The following WHRN variants were observed in gnomAD, a reference collection of about 807,000 sequenced individuals.
The protein encoded by WHRN is whirlin, also known as CASK-interacting protein CIP98.
In WHRN, 41 loss-of-function variants were observed where a neutral mutation model predicts 68.3. The observed-to-expected ratio is 0.60, with a 90% CI of 0.47 to 0.78. The LOEUF (loss-of-function observed/expected upper bound fraction) is 0.78. Ranked by LOEUF, WHRN falls within the 30% of genes least tolerant of loss-of-function variation. WHRN has a pLI of 0.00. For missense variants in WHRN, 1,243 were observed against 1,244.7 expected, an observed-to-expected ratio of 1.00 and a Z score of 0.02; for synonymous variants, 560 against 561.3, an observed-to-expected ratio of 1.00 and a Z score of 0.03.
intron 1 of WHRN, among the ~76,000 whole-genome samples, chr9:114,495,299 C>T (rs981615107): frequency 1.3e-5 from 2 of 152,116 alleles, no homozygotes; most frequent in African/African-American, 2.4e-5. Context: ...GACATCAGAC[C>T]GGTGGGCAGA....
intron 2 of WHRN, among the ~76,000 whole-genome samples, chr9:114,472,654 G>T (rs547454124): frequency 6.6e-6 from 1 of 152,224 alleles, no homozygotes; most frequent in East Asian, 1.9e-4. Flanking sequence ...CTTGACAGTG[G>T]CTAAGGTGTT....
intron 2 of WHRN, among the ~76,000 whole-genome samples, chr9:114,475,658 G>A (rs919443460): frequency 6.6e-6 from 1 of 152,154 alleles, no homozygotes; most frequent in Admixed American, 6.5e-5. Context: ...CCAAGAGTCT[G>A]GCCGTGGCTT....
At chr9:114,415,421 G>A (rs1229998173) in intron 7 of WHRN, among the ~76,000 whole-genome samples, 2 of 152,020 alleles carry the variant, frequency 1.3e-5, no homozygotes, top group African/African-American at 4.8e-5. Context: ...AGCCCTACTG[G>A]TCTCCTTCCA....
intron 1 of WHRN, among the ~76,000 whole-genome samples, chr9:114,489,467 C>T (rs950216279): frequency 5.7e-5 from 8 of 141,580 alleles, no homozygotes; most frequent in Admixed American, 1.4e-4. Flanking sequence ...CACACATACA[C>T]ACACACACAC....
At position 114,402,941 on chromosome 9, in the gene WHRN, A is replaced by C. The variant is rs1349668685; in HGVS notation, c.2542-5T>G. ...GTTGTGAGCTGAGCCGCCTCTCTGC[A>C]GGGAGGAGACACAGGGCATGGGGTG... is the stretch of plus-strand genomic sequence containing the variant. On this transcript the variant is annotated splice_polypyrimidine_tract_variant and splice_region_variant and intron_variant, in intron 11 of 11. Transcript: ENST00000362057. The C allele has an allele frequency of 1.9e-6, 3 of 1,608,070 alleles. No individual in the cohort carries two copies. The highest frequency in any genetic ancestry group is 2.5e-6 in the Non-Finnish European group (3 of 1,177,516).
chr9:114,460,159 G>A (rs1840127431), intron 3 of WHRN, among the ~76,000 whole-genome samples: 1 of 152,212 alleles, frequency 6.6e-6, no homozygotes, highest in South Asian at 2.1e-4. Context: ...AAGACTCAAT[G>A]TCCTTTATTT....
rs189332436 is a variant in WHRN at position 114,494,107 on chromosome 9, G to A, written c.618+10077C>T. Reference sequence around the variant, plus strand: ...ATTCTCAGAGTCCTCTCCCGGGGGGGTATGGTGAAGTGTCAGTGGGGGATT... The same window carrying A: ...ATTCTCAGAGTCCTCTCCCGGGGGGATATGGTGAAGTGTCAGTGGGGGATT... On this transcript the variant is annotated intron_variant, in intron 1 of 11. Transcript: ENST00000362057. Among the ~76,000 whole-genome samples, 37 of 152,360 alleles carry A rather than the reference G, an allele frequency of 2.4e-4. 1 individual carries two copies. Among genetic ancestry groups the A allele is most frequent in the African/African-American group, 8.2e-4 (34 of 41,572 alleles).
chr9:114,416,560 T>A (rs923032368), intron 7 of WHRN, among the ~76,000 whole-genome samples: 1 of 152,166 alleles, frequency 6.6e-6, no homozygotes, highest in Non-Finnish European at 1.5e-5. Context: ...CCTCCAGCCA[T>A]GTAAGATGTG....
chr9:114,504,937 G>A lies in WHRN; in HGVS notation c.-136C>T, dbSNP rs951540263. ...TGGAGCCTGGGTTTGGGGAGCACGG[G>A]TACAGTGGCTGGATCCTAGGGGGTC... On this transcript the variant is annotated 5_prime_UTR_variant, in exon 1 of 12. Transcript: ENST00000362057. 7.2e-6 allele frequency: 9 copies of A among 1,247,326 alleles called. No homozygotes were observed. Among genetic ancestry groups the A allele is most frequent in the African/African-American group, 4.8e-5 (3 of 62,946 alleles). 77.3% of individuals were successfully genotyped at this position (1,247,326 alleles called of 1,614,324 possible).
intron 10 of WHRN, 42 bp downstream of exon 10, chr9:114,403,854 G>A (rs914515606): frequency 1.4e-5 from 22 of 1,605,198 alleles, no homozygotes; most frequent in Admixed American, 6.7e-5. Flanking sequence ...CCTGGGGCCC[G>A]TGTTCCTCTC....
At chr9:114,489,510 ACGCGTG>A (rs1327665897) in intron 1 of WHRN, among the ~76,000 whole-genome samples, 24 of 29,782 alleles carry the variant, frequency 8.1e-4, no homozygotes, top group Non-Finnish European at 1.7e-3. Context: ...ACACGCACAC[ACGCGTG>A]CACACACACA....
chr9:114,403,785 A>G (rs890222911), intron 10 of WHRN, 111 bp downstream of exon 10: 2 of 1,348,592 alleles, frequency 1.5e-6, no homozygotes, highest in African/African-American at 2.9e-5. Context: ...GGAGCTCACT[A>G]CCTCCCTTTG....
chr9:114,482,075 C>T (rs111553621), intron 1 of WHRN, among the ~76,000 whole-genome samples: 2,055 of 152,074 alleles, frequency 0.014, 23 homozygotes, highest in Admixed American at 0.033. Flanking sequence ...ATTTGTGAAA[C>T]TTGTGCATAG....
chr9:114,434,595 G>C (rs1837691993), intron 3 of WHRN, among the ~76,000 whole-genome samples: 1 of 152,010 alleles, frequency 6.6e-6, no homozygotes, highest in Non-Finnish European at 1.5e-5. Flanking sequence ...CAAACCCACT[G>C]GATCTATCAT....
intron 1 of WHRN, among the ~76,000 whole-genome samples, chr9:114,483,063 TCAGA>T (rs980207286): frequency 1.1e-4 from 16 of 152,192 alleles, no homozygotes; most frequent in African/African-American, 3.6e-4. Context: ...GATTAGAAAC[TCAGA>T]CAGCCACTCA....
At chr9:114,480,614 G>A (rs1028622870) in intron 1 of WHRN, among the ~76,000 whole-genome samples, 1 of 152,126 alleles carries the variant, frequency 6.6e-6, no homozygotes, top group African/African-American at 2.4e-5. Flanking sequence ...CCAGAACTGT[G>A]AGAAATTAAA....
At chr9:114,488,678 G>A (rs951152092) in intron 1 of WHRN, among the ~76,000 whole-genome samples, 3 of 152,176 alleles carry the variant, frequency 2.0e-5, no homozygotes, top group African/African-American at 7.2e-5. Flanking sequence ...ATTTAGCCCT[G>A]CTTTGAGGGA....
rs141249630 is a variant in WHRN at position 114,404,489 on chromosome 9, C to T, written c.2237-412G>A. Among the ~76,000 whole-genome samples the T allele has an allele frequency of 4.4e-3, 671 of 152,352 alleles. 6 individuals carry two copies. Among genetic ancestry groups the T allele is most frequent in the African/African-American group, 0.012 (507 of 41,582 alleles). On this transcript the variant is annotated intron_variant, in intron 9 of 11. Coordinates refer to ENST00000362057, the MANE Select transcript of WHRN (RefSeq NM_015404.4). ...TTAGAAGATTTCATATAAGTAATTTCTAGTTTCCCAAGAATAAAAGAGAAA... is the reference window on the plus strand; with the variant it reads ...TTAGAAGATTTCATATAAGTAATTTTTAGTTTCCCAAGAATAAAAGAGAAA...
intron 2 of WHRN, among the ~76,000 whole-genome samples, chr9:114,477,088 C>T (rs1039483710): frequency 2.6e-5 from 4 of 152,148 alleles, no homozygotes; most frequent in East Asian, 3.8e-4. Flanking sequence ...TGACGCGGCC[C>T]GGGCTGCTGT....
Sources: gnomAD v4.1 joint callset for allele counts (sites outside exome capture counted in the v4.1 genomes callset) on GRCh38, gnomAD v4.1.1 for gene constraint, MANE v1.5 for transcripts, NCBI Gene and HGNC (gene_info 2026-07-23, HGNC 2026-07-21) for gene names.